Variants in ANGPTL1 observed in about 807,000 individuals in gnomAD.
ANGPTL1 encodes angiopoietin-related protein 1.
Under a neutral mutation model 46.7 loss-of-function variants are expected in ANGPTL1, and 36 were observed. That is an observed-to-expected ratio of 0.77 (90% CI 0.59 to 1.02). ANGPTL1 has a LOEUF of 1.02. Among genes scored for constraint, ANGPTL1 ranks in the 50% least tolerant of loss-of-function variants. The pLI, the probability that ANGPTL1 is intolerant of heterozygous loss-of-function variation, is 0.00. For synonymous variants in ANGPTL1, 221 were observed against 204.3 expected (o/e 1.08, Z -0.69); for missense variants, 571 against 594.7 (o/e 0.96, Z 0.41).
At chr1:178,866,703 A>G (rs1658434516) in intron 2 of ANGPTL1, among the ~76,000 whole-genome samples, 1 of 152,166 alleles carries the variant, frequency 6.6e-6, no homozygotes, top group Non-Finnish European at 1.5e-5. Context: ...TACTCTGTGC[A>G]TGTTGAAGGC....
At position 178,852,884 on chromosome 1, in the gene ANGPTL1, C is replaced by A; in HGVS notation, c.1087G>T (p.Asp363Tyr). The A allele has an allele frequency of 6.2e-7, 1 of 1,613,764 alleles. No individual in the cohort carries two copies. Among genetic ancestry groups the A allele is most frequent in the Non-Finnish European group, 8.5e-7 (1 of 1,179,752 alleles). Residue 363 changes from aspartate (D) to tyrosine (Y), a missense_variant, in exon 5 of 6, where the codon GAT becomes TAT. Coordinates refer to ENST00000234816, the MANE Select transcript of ANGPTL1 (RefSeq NM_004673.4). The stretch of plus-strand genomic sequence containing the variant: ...AATTCAATCAATAACTTGTAATTAT[C>A]TTGATTGCTAAGCATATAGATATTT... ...LENIYMLSNQ[D>Y]NYKLLIELED...
chr1:178,861,903 C>T (rs1017337832), intron 3 of ANGPTL1, among the ~76,000 whole-genome samples: 2 of 152,090 alleles, frequency 1.3e-5, no homozygotes, highest in South Asian at 4.1e-4. Context: ...GTTTGAGTCT[C>T]ACTCTGTTGC....
rs764025237 is a variant in ANGPTL1, at chr1:178,865,570, CT to C, written c.206del (p.Lys69ArgfsTer11). 6.2e-7 allele frequency: 1 copy of C among 1,614,068 alleles called. No individual in the cohort carries two copies. The highest frequency in any genetic ancestry group is 8.5e-7 in the Non-Finnish European group (1 of 1,179,990). On this transcript the variant is annotated frameshift_variant, in exon 3 of 6. Transcript: ENST00000234816. LOFTEE classifies it high-confidence loss of function. ...RITGPICVNT[K>X]GQDASTIKDM... is the part of the protein sequence containing the mutation. Reference sequence around the variant, plus strand: ...CTTTAATGGTACTTGCATCTTGCCCCTTGGTGTTGACACAGATTGGCCCTGT... The same window carrying C: ...CTTTAATGGTACTTGCATCTTGCCCCTGGTGTTGACACAGATTGGCCCTGT...
In ANGPTL1 at chr1:178,850,375, T is replaced by C. The variant is rs1657093994; in HGVS notation, c.*754A>G. The stretch of plus-strand genomic sequence containing the variant: ...TGTAATACCAATATTTTGCTGATTT[T>C]AGAACTACATAAAATGCATTTCTGG... On this transcript the variant is annotated 3_prime_UTR_variant, in exon 6 of 6. Transcript: ENST00000234816. 6.6e-6 allele frequency: 1 copy of C among 152,598 alleles called. No homozygotes were observed. The highest frequency in any genetic ancestry group is 6.5e-5 in the Admixed American group (1 of 15,282). The allele number at this position is 152,598 out of a possible 1,614,324, so 9.5% of individuals were successfully genotyped here.
At position 178,852,291 on chromosome 1, in the gene ANGPTL1, T is replaced by C. The variant is rs182932830; in HGVS notation, c.1288+392A>G. Among the ~76,000 whole-genome samples the C allele has an allele frequency of 3.1e-3, 467 of 152,290 alleles. 4 individuals are homozygous for C. The highest frequency in any genetic ancestry group is 0.01 in the African/African-American group (433 of 41,562). ...ACTTATTCCCACCTAACAAATTGTT[T>C]TGTCTCTCCTCCAGTGAGTAAGCTC... On this transcript the variant is annotated intron_variant, in intron 5 of 5. Transcript: ENST00000234816.
At chr1:178,866,512 T>C (rs1202047188) in intron 2 of ANGPTL1, among the ~76,000 whole-genome samples, 1 of 152,196 alleles carries the variant, frequency 6.6e-6, no homozygotes, top group Non-Finnish European at 1.5e-5. Context: ...TTATATGTAC[T>C]CTGAGCTTAT....
chr1:178,862,617 A>C (rs1658110757), intron 3 of ANGPTL1, among the ~76,000 whole-genome samples: 1 of 150,700 alleles, frequency 6.6e-6, no homozygotes, highest in Admixed American at 6.6e-5. Flanking sequence ...TTATTTATTT[A>C]TTTATTTATT....
rs942081702 is a variant in ANGPTL1 at position 178,850,047 on chromosome 1, C to G, written c.*1082G>C. On this transcript the variant is annotated 3_prime_UTR_variant, in exon 6 of 6. Transcript: ENST00000234816. ...GAGTTAAAGACACTGTGAGACTAAG[C>G]GTTACATACACTGTAAAATGAAATT... is the stretch of plus-strand genomic sequence containing the variant. 2.0e-5 allele frequency: 3 copies of G among 152,628 alleles called. No individual in the cohort carries two copies. Among genetic ancestry groups the G allele is most frequent in the African/African-American group, 7.2e-5 (3 of 41,444 alleles). The allele number at this position is 152,628 out of a possible 1,614,324, so 9.5% of individuals were successfully genotyped here.
rs1658710446 is a variant in ANGPTL1, at chr1:178,870,801, A to G, written c.-197T>C. 6.6e-6 allele frequency: 1 copy of G among 152,178 alleles called. No individual in the cohort carries two copies. Among genetic ancestry groups the G allele is most frequent in the African/African-American group, 2.4e-5 (1 of 41,450 alleles). The allele number at this position is 152,178 out of a possible 1,614,324, so 9.4% of individuals were successfully genotyped here. ...TTGCTGCCCTTATTCTTGATTTTAA[A>G]AATCAGTGTAGAAGTTTGTTCATCT... On this transcript the variant is annotated 5_prime_UTR_variant, in exon 1 of 6. Transcript: ENST00000234816.
At chr1:178,862,592 TTTTTA>T (rs1553272292) in intron 3 of ANGPTL1, among the ~76,000 whole-genome samples, 2 of 118,824 alleles carry the variant, frequency 1.7e-5, no homozygotes, top group African/African-American at 3.6e-5. Context: ...AGTTGCATTT[TTTTTA>T]TTTATTTATT....
At chr1:178,868,847 G>A (rs928287074) in intron 2 of ANGPTL1, among the ~76,000 whole-genome samples, 2 of 151,820 alleles carry the variant, frequency 1.3e-5, no homozygotes, top group African/African-American at 2.4e-5. Flanking sequence ...AAATACAAAA[G>A]TATTGGCTTC....
At chr1:178,866,163 G>C (rs1658394880) in intron 2 of ANGPTL1, among the ~76,000 whole-genome samples, 1 of 152,048 alleles carries the variant, frequency 6.6e-6, no homozygotes, top group South Asian at 2.1e-4. Context: ...CCTTTAAAAA[G>C]CTCACTGCCT....
chr1:178,854,560 A>G (rs1257467195), intron 3 of ANGPTL1, among the ~76,000 whole-genome samples: 1 of 152,176 alleles, frequency 6.6e-6, no homozygotes, highest in Non-Finnish European at 1.5e-5. Flanking sequence ...ATAAATGAGT[A>G]TCTAAAGAGT....
intron 1 of ANGPTL1, among the ~76,000 whole-genome samples, chr1:178,870,223 TA>T (rs1658666021): frequency 1.3e-5 from 2 of 152,172 alleles, no homozygotes; most frequent in African/African-American, 4.8e-5. Flanking sequence ...GGTTATACTG[TA>T]ATTGAGATTT....
At chr1:178,856,437 G>C (rs1453488074) in intron 3 of ANGPTL1, among the ~76,000 whole-genome samples, 1 of 77,370 alleles carries the variant, frequency 1.3e-5, no homozygotes, top group Admixed American at 1.4e-4. Flanking sequence ...GAGAGATGAG[G>C]TCTTGGTACA....
intron 3 of ANGPTL1, among the ~76,000 whole-genome samples, chr1:178,854,323 A>C (rs1657385620): frequency 6.6e-6 from 1 of 152,206 alleles, no homozygotes; most frequent in Non-Finnish European, 1.5e-5. Context: ...ATTTGATTTC[A>C]GTGGAACATA....
chr1:178,870,482 A>T (rs1280708353), intron 1 of ANGPTL1, among the ~76,000 whole-genome samples: 1 of 152,222 alleles, frequency 6.6e-6, no homozygotes, highest in Non-Finnish European at 1.5e-5. Flanking sequence ...TCAGAAACCC[A>T]GCATGGCATG....
At chr1:178,856,003 A>G (rs990264292) in intron 3 of ANGPTL1, among the ~76,000 whole-genome samples, 5 of 148,930 alleles carry the variant, frequency 3.4e-5, no homozygotes, top group Non-Finnish European at 7.4e-5. Context: ...CAAAATATAT[A>G]TATTAGAACA....
Position 178,852,856 on chromosome 1 carries a change from TC to T in ANGPTL1, c.1114del (p.Glu372LysfsTer39). ...QDNYKLLIEL[E>X]DWSDKKVYAE... is the part of the protein sequence containing the mutation. ...ATAGACTTTTTTATCACTCCAGTCT[TC>T]TAATTCAATCAATAACTTGTAATTA... On this transcript the variant is annotated frameshift_variant, in exon 5 of 6. Coordinates refer to ENST00000234816, the MANE Select transcript of ANGPTL1 (RefSeq NM_004673.4). LOFTEE classifies it high-confidence loss of function. The T allele has an allele frequency of 6.2e-7, 1 of 1,613,942 alleles. No individual in the cohort carries two copies. The highest frequency in any genetic ancestry group is 1.1e-5 in the South Asian group (1 of 91,064).
Sources: allele counts gnomAD v4.1 joint callset (sites outside exome capture counted in the v4.1 genomes callset), GRCh38; gene constraint gnomAD v4.1.1; transcripts MANE v1.5; gene names NCBI Gene and HGNC (gene_info 2026-07-23, HGNC 2026-07-21).